The following DGKH variants were observed in gnomAD, a reference collection of about 807,000 sequenced individuals.
The protein encoded by DGKH is DAG kinase eta.
In DGKH, 90 loss-of-function variants were observed where a neutral mutation model predicts 159.3. The observed-to-expected ratio is 0.57, with a 90% CI of 0.48 to 0.67. The LOEUF (loss-of-function observed/expected upper bound fraction) is 0.67, where lower values mean the gene tolerates loss of function less well. Among genes scored for constraint, DGKH ranks in the 30% least tolerant of loss-of-function variants. The pLI, the probability that DGKH is intolerant of heterozygous loss-of-function variation, is 0.00. For missense variants in DGKH, 1,181 were observed against 1,506.1 expected (o/e 0.78, Z 3.57); for synonymous variants, 536 against 553.8 (o/e 0.97, Z 0.45).
intron 26 of DGKH, among the ~76,000 whole-genome samples, chr13:42,218,432 T>A (rs778135909): frequency 3.3e-5 from 5 of 151,928 alleles, no homozygotes; most frequent in Non-Finnish European, 5.9e-5. Flanking sequence ...TTCAAGGAGA[T>A]TTTTCTGCAG....
chr13:42,155,899 T>G (rs894634270), intron 5 of DGKH, 100 bp downstream of exon 5: 1 of 1,340,752 alleles, frequency 7.5e-7, no homozygotes, highest in Non-Finnish European at 1.0e-6. Context: ...TCTCCACACA[T>G]AGGACTAGCT....
In DGKH at chr13:42,106,327, A is replaced by T. The variant is rs573963814; in HGVS notation, c.193-21136A>T. On this transcript the variant is annotated intron_variant, in intron 1 of 29. Transcript: ENST00000337343. ...CTGGCCTCAGGAATGTGTGTTTCTT[A>T]GGCATCTGGATGAAGTCATCTTTAT... 2.0e-5 allele frequency among the ~76,000 whole-genome samples: 3 copies of T among 152,186 alleles called. No individual in the cohort carries two copies. In the South Asian group the frequency reaches 6.2e-4, roughly 32 times the overall value.
Position 42,159,302 on chromosome 13 carries a change from G to C in DGKH, c.659G>C (p.Arg220Thr). Residue 220 changes from arginine to threonine, a missense_variant, in exon 6 of 30, where the codon AGA becomes ACA. Transcript: ENST00000337343. Reference sequence around the variant, plus strand: ...AAGGCTCACAAAAGATGTGCAGTGAGAGCAACAAATAACTGTAAATGGACT... The same window carrying C: ...AAGGCTCACAAAAGATGTGCAGTGACAGCAACAAATAACTGTAAATGGACT... ...KFKAHKRCAV[R>T]ATNNCKWTTL... 7.4e-7 allele frequency: 1 copy of C among 1,342,666 alleles called. No homozygotes were observed. The highest frequency in any genetic ancestry group is 1.0e-6 in the Non-Finnish European group (1 of 996,354). The allele number at this position is 1,342,666 out of a possible 1,614,324, so 83.2% of individuals were successfully genotyped here.
intron 1 of DGKH, among the ~76,000 whole-genome samples, chr13:42,092,730 C>A (rs1954444366): frequency 6.6e-6 from 1 of 151,956 alleles, no homozygotes; most frequent in African/African-American, 2.4e-5. Flanking sequence ...ATTTCAAGAA[C>A]TTTAGAAAAA....
chr13:42,100,098 A>G (rs945634987), intron 1 of DGKH, among the ~76,000 whole-genome samples: 1 of 152,146 alleles, frequency 6.6e-6, no homozygotes. Context: ...GTGAAGCTTC[A>G]TCTGTATTTA....
intron 28 of DGKH, 67 bp from the exon 29 acceptor site, chr13:42,221,197 C>T: frequency 1.3e-6 from 2 of 1,578,794 alleles, no homozygotes; most frequent in Admixed American, 3.6e-5. Context: ...TCTTCTTTGG[C>T]CAACCTTTGC....
intron 3 of DGKH, among the ~76,000 whole-genome samples, chr13:42,134,074 A>G (rs1231301745): frequency 2.0e-5 from 3 of 152,316 alleles, no homozygotes; most frequent in South Asian, 2.1e-4. Context: ...ACAAAGTACA[A>G]TAGTGGGTGG....
chr13:42,202,937 A>G (rs1957382659), intron 20 of DGKH, among the ~76,000 whole-genome samples: 1 of 152,188 alleles, frequency 6.6e-6, no homozygotes, highest in Non-Finnish European at 1.5e-5. Flanking sequence ...ATATTGTTTC[A>G]AGTTCTGTAA....
chr13:42,161,173 T>C lies in DGKH; in HGVS notation c.855+1037T>C, dbSNP rs116379212. On this transcript the variant is annotated intron_variant, in intron 7 of 29. Transcript: ENST00000337343. Reference sequence around the variant, plus strand: ...TAGCCCCTAAAACCTTGTCATGCCATTTTTTTATTTTAAAGGAATTCTACC... The same window carrying C: ...TAGCCCCTAAAACCTTGTCATGCCACTTTTTTATTTTAAAGGAATTCTACC... 1.7e-3 allele frequency among the ~76,000 whole-genome samples: 254 copies of C among 152,306 alleles called. 1 individual carries two copies. Among genetic ancestry groups the C allele is most frequent in the African/African-American group, 5.8e-3 (241 of 41,558 alleles).
At chr13:42,215,000 A>T (rs1422976777) in intron 25 of DGKH, among the ~76,000 whole-genome samples, 2 of 152,294 alleles carry the variant, frequency 1.3e-5, no homozygotes, top group East Asian at 1.9e-4. Context: ...TTTTGAAGTT[A>T]TGCACTGAAA....
intron 3 of DGKH, among the ~76,000 whole-genome samples, chr13:42,141,157 G>GT (rs1382268007): frequency 6.7e-6 from 1 of 150,064 alleles, no homozygotes; most frequent in Non-Finnish European, 1.5e-5. Context: ...GCAGTGTTTG[G>GT]TTTTTTGTCC....
chr13:42,117,591 C>T (rs1954987912), intron 1 of DGKH, among the ~76,000 whole-genome samples: 1 of 151,962 alleles, frequency 6.6e-6, no homozygotes, highest in Non-Finnish European at 1.5e-5. Flanking sequence ...TTAAAATTAG[C>T]TGTTTGTATA....
intron 29 of DGKH, among the ~76,000 whole-genome samples, chr13:42,228,097 T>C (rs1475584376): frequency 6.6e-6 from 1 of 152,186 alleles, no homozygotes; most frequent in African/African-American, 2.4e-5. Flanking sequence ...CTGTTTCTTT[T>C]AGTTTTTCAG....
intron 1 of DGKH, among the ~76,000 whole-genome samples, chr13:42,040,751 G>C (rs1880441172): frequency 6.7e-6 from 1 of 149,188 alleles, no homozygotes. Flanking sequence ...CCCGGGCGGG[G>C]AGCCGGGGCG....
intron 3 of DGKH, among the ~76,000 whole-genome samples, chr13:42,141,470 C>T (rs1030046234): frequency 2.0e-5 from 3 of 152,142 alleles, no homozygotes; most frequent in Non-Finnish European, 4.4e-5. Context: ...CCTGAGGAAT[C>T]ACCACACTGA....
chr13:42,121,902 C>T (rs1050416702), intron 1 of DGKH, among the ~76,000 whole-genome samples: 13 of 152,198 alleles, frequency 8.5e-5, no homozygotes, highest in African/African-American at 3.1e-4. Context: ...ACCTCACCTC[C>T]GCCGTGGAGT....
At chr13:42,116,824 AATTCTGCAGC>A (rs1954976955) in intron 1 of DGKH, among the ~76,000 whole-genome samples, 1 of 152,262 alleles carries the variant, frequency 6.6e-6, no homozygotes, top group Admixed American at 6.5e-5. Context: ...TGAAATGAGC[AATTCTGCAGC>A]TTTAAGACAT....
intron 30 of DGKH, among the ~76,000 whole-genome samples, chr13:42,253,655 T>G (rs1364266347): frequency 6.6e-6 from 1 of 152,228 alleles, no homozygotes; most frequent in Non-Finnish European, 1.5e-5. Context: ...CCTAAGCTCC[T>G]GGGAATAATA....
intron 29 of DGKH, among the ~76,000 whole-genome samples, chr13:42,222,194 A>G (rs1957993064): frequency 6.6e-6 from 1 of 152,198 alleles, no homozygotes; most frequent in African/African-American, 2.4e-5. Flanking sequence ...GTATTTTCTT[A>G]CCACATATTG....
Sources: allele counts gnomAD v4.1 joint callset (sites outside exome capture counted in the v4.1 genomes callset), GRCh38; gene constraint gnomAD v4.1.1; transcripts MANE v1.5; gene names NCBI Gene and HGNC (gene_info 2026-07-23, HGNC 2026-07-21).